The following TOPAZ1 variants were observed in gnomAD, a reference collection of about 807,000 sequenced individuals.
TOPAZ1 encodes protein TOPAZ1.
Under a neutral mutation model 172.2 loss-of-function variants are expected in TOPAZ1, and 66 were observed. That is an observed-to-expected ratio of 0.38 (90% CI 0.31 to 0.47). The LOEUF (loss-of-function observed/expected upper bound fraction) is 0.47, where lower values mean the gene tolerates loss of function less well. Among genes scored for constraint, TOPAZ1 ranks in the 20% least tolerant of loss-of-function variants. The pLI is 0.99. For missense variants in TOPAZ1, 1,822 were observed against 1,972.4 expected (o/e 0.92, Z 1.44); for synonymous variants, 681 against 683.9 (o/e 1.00, Z 0.07).
chr3:44,336,257 T>C (rs1285012643), downstream of TOPAZ1, among the ~76,000 whole-genome samples: 1 of 152,114 alleles, frequency 6.6e-6, no homozygotes, highest in African/African-American at 2.4e-5. Context: ...ATTTTGTAAA[T>C]CACAACCTAA....
chr3:44,310,960 C>G (rs1236310836), intron 16 of TOPAZ1, among the ~76,000 whole-genome samples: 1 of 152,120 alleles, frequency 6.6e-6, no homozygotes, highest in Non-Finnish European at 1.5e-5. Flanking sequence ...ACTAATGAAG[C>G]TAATGATAGC....
intron 8 of TOPAZ1, among the ~76,000 whole-genome samples, chr3:44,276,653 TC>T (rs71085614): frequency 1.6e-4 from 9 of 56,632 alleles, no homozygotes; most frequent in African/African-American, 4.0e-4. Flanking sequence ...TTTTTTTTTT[TC>T]CAGAATTGCT....
chr3:44,246,645 A>C (rs899049356), intron 2 of TOPAZ1, among the ~76,000 whole-genome samples: 2 of 151,992 alleles, frequency 1.3e-5, no homozygotes, highest in Non-Finnish European at 2.9e-5. Flanking sequence ...CCAAGATCAC[A>C]CTCCTAGTAA....
intron 18 of TOPAZ1, 143 bp from the exon 19 acceptor site, chr3:44,328,107 A>G: frequency 3.8e-6 from 2 of 532,568 alleles, no homozygotes; most frequent in Non-Finnish European, 6.4e-6. Context: ...ATATACTAGG[A>G]TAAGCTATCA....
intron 4 of TOPAZ1, among the ~76,000 whole-genome samples, chr3:44,258,054 A>G (rs76677418): frequency 0.011 from 1,715 of 151,570 alleles, 36 homozygotes; most frequent in African/African-American, 0.039. Flanking sequence ...AGTTTCACTG[A>G]TTTCTGCTTT....
intron 5 of TOPAZ1, 72 bp from the exon 6 acceptor site, chr3:44,266,925 A>G (rs2125684975): frequency 9.0e-7 from 1 of 1,115,036 alleles, no homozygotes; most frequent in Non-Finnish European, 1.2e-6. Flanking sequence ...GAAATATCTG[A>G]TATCTGCAAA....
chr3:44,311,674 G>C (rs1030873789), intron 16 of TOPAZ1, among the ~76,000 whole-genome samples: 4 of 152,076 alleles, frequency 2.6e-5, no homozygotes, highest in African/African-American at 9.7e-5. Context: ...CAAAAGAAGA[G>C]GCCACAGAAG....
intron 9 of TOPAZ1, among the ~76,000 whole-genome samples, chr3:44,284,749 T>A (rs974692261): frequency 6.6e-6 from 1 of 152,242 alleles, no homozygotes; most frequent in Non-Finnish European, 1.5e-5. Flanking sequence ...CTATTTAGCA[T>A]ATACCAGAAT....
At chr3:44,257,413 T>A (rs1399189447) in intron 4 of TOPAZ1, among the ~76,000 whole-genome samples, 1 of 94,586 alleles carries the variant, frequency 1.1e-5, no homozygotes, top group Non-Finnish European at 2.1e-5. Flanking sequence ...GTGTGTCTAT[T>A]TTATATATTT....
At chr3:44,296,672 G>T (rs1226024676) in intron 12 of TOPAZ1, among the ~76,000 whole-genome samples, 1 of 151,700 alleles carries the variant, frequency 6.6e-6, no homozygotes, top group Non-Finnish European at 1.5e-5. Context: ...TCATTTAAAA[G>T]CTTCCAAAAA....
chr3:44,277,902 G>C (rs1029001450), intron 8 of TOPAZ1, among the ~76,000 whole-genome samples: 5 of 152,190 alleles, frequency 3.3e-5, no homozygotes, highest in African/African-American at 1.2e-4. Flanking sequence ...AAGCTGAGCA[G>C]ATGCCAGCAC....
chr3:44,292,755 T>G (rs1032346193), intron 12 of TOPAZ1, among the ~76,000 whole-genome samples: 1 of 152,202 alleles, frequency 6.6e-6, no homozygotes, highest in Non-Finnish European at 1.5e-5. Flanking sequence ...ACTGGGATAT[T>G]CATCACCTCA....
intron 15 of TOPAZ1, among the ~76,000 whole-genome samples, chr3:44,307,632 GA>G: frequency 6.6e-6 from 1 of 152,038 alleles, no homozygotes; most frequent in East Asian, 1.9e-4. Flanking sequence ...GGTCACTATT[GA>G]ATTAACTATT....
chr3:44,288,166 A>G (rs1168627915), intron 11 of TOPAZ1, among the ~76,000 whole-genome samples: 1 of 152,120 alleles, frequency 6.6e-6, no homozygotes, highest in Non-Finnish European at 1.5e-5. Context: ...TAAACAAACC[A>G]AAAAAGACTT....
intron 8 of TOPAZ1, among the ~76,000 whole-genome samples, chr3:44,278,377 A>G (rs1280425095): frequency 1.3e-5 from 2 of 152,316 alleles, no homozygotes; most frequent in African/African-American, 4.8e-5. Flanking sequence ...TATCAGGGTA[A>G]TGCTGGCATC....
At chr3:44,267,241 C>A (rs1195614948) in intron 6 of TOPAZ1, 105 bp downstream of exon 6, 12 of 836,462 alleles carry the variant, frequency 1.4e-5, no homozygotes, top group Middle Eastern at 2.7e-4. Flanking sequence ...AAAATGGAAT[C>A]ATGTAGAATA....
At position 44,244,976 on chromosome 3, in the gene TOPAZ1, A is replaced by G. The variant is rs1699545050; in HGVS notation, c.2470A>G (p.Asn824Asp). ...AGAGAAAAGTCCTTCCTTCTGCTGTAATGAACAAGAAACATTCCGACCAGT... is the reference window on the plus strand; with the variant it reads ...AGAGAAAAGTCCTTCCTTCTGCTGTGATGAACAAGAAACATTCCGACCAGT... ...YVEKSPSFCC[N>D]EQETFRPVSS... is the part of the protein sequence containing the mutation. Residue 824 changes from asparagine (N) to aspartate (D), a missense_variant, in exon 2 of 20, where the codon AAT (asparagine) becomes GAT (aspartate). By Grantham distance (23) the Asn-to-Asp change is conservative. Transcript: ENST00000309765. 6.4e-7 allele frequency: 1 copy of G among 1,551,736 alleles called. No individual in the cohort carries two copies. The highest frequency in any genetic ancestry group is 2.4e-5 in the East Asian group (1 of 40,918).
At chr3:44,331,227 A>G (rs1437950940) in intron 19 of TOPAZ1, among the ~76,000 whole-genome samples, 1 of 152,220 alleles carries the variant, frequency 6.6e-6, no homozygotes, top group Non-Finnish European at 1.5e-5. Context: ...TTAGGGTGTT[A>G]CAACCAGTAT....
In TOPAZ1 at chr3:44,268,636, G is replaced by A. The variant is rs151301914; in HGVS notation, c.3161-580G>A. Among the ~76,000 whole-genome samples the A allele has an allele frequency of 5.9e-3, 900 of 152,082 alleles. 10 individuals are homozygous for A. Among genetic ancestry groups the A allele is most frequent in the African/African-American group, 0.021 (854 of 41,498 alleles). On this transcript the variant is annotated intron_variant, in intron 6 of 19. Coordinates refer to ENST00000309765, the MANE Select transcript of TOPAZ1 (RefSeq NM_001145030.2). ...GACCTCAGGCAATCTGCCCACGTGG[G>A]CCTCCCAAAGTGCTGAGATTACAGG...
Sources: gnomAD v4.1 joint callset for allele counts (sites outside exome capture counted in the v4.1 genomes callset) on GRCh38, gnomAD v4.1.1 for gene constraint, MANE v1.5 for transcripts, NCBI Gene and HGNC (gene_info 2026-07-23, HGNC 2026-07-21) for gene names.